Variants in TJP1 observed in about 807,000 individuals in gnomAD.
The protein encoded by TJP1 is tight junction protein ZO-1.
In TJP1, 43 loss-of-function variants were observed where a neutral mutation model predicts 194.2. That is an observed-to-expected ratio of 0.22 (90% CI 0.17 to 0.29). TJP1 has a LOEUF of 0.29. TJP1 is among the 10% of genes least tolerant of loss of function. The pLI, the probability that TJP1 is intolerant of heterozygous loss-of-function variation, is 1.00. For missense variants in TJP1, 1,971 were observed against 2,185.7 expected (o/e 0.90, Z 1.96); for synonymous variants, 801 against 779.0 (o/e 1.03, Z -0.47).
At chr15:29,710,763 C>T in intron 24 of TJP1, 68 bp downstream of exon 24, 2 of 1,599,224 alleles carry the variant, frequency 1.3e-6, no homozygotes, top group Non-Finnish European at 8.5e-7. Context: ...ACCATTTTGC[C>T]TAGAAACCAC....
chr15:29,728,749 G>A (rs2043403337), intron 15 of TJP1: 1 of 152,176 alleles, frequency 6.6e-6, no homozygotes, highest in Non-Finnish European at 1.5e-5. Flanking sequence ...ATCAGACAAA[G>A]GCAGAGATCT....
At chr15:29,780,046 G>C (rs2047262529) in intron 2 of TJP1, among the ~76,000 whole-genome samples, 1 of 151,028 alleles carries the variant, frequency 6.6e-6, no homozygotes, top group South Asian at 2.1e-4. Flanking sequence ...AAAACGATCA[G>C]AATCAAACCC....
At chr15:29,914,041 G>A (rs1011986963) in intron 2 of TJP1, among the ~76,000 whole-genome samples, 2 of 152,124 alleles carry the variant, frequency 1.3e-5, no homozygotes, top group African/African-American at 4.8e-5. Flanking sequence ...ACCTCAGGGG[G>A]ATGGTATCTG....
chr15:29,834,444 T>C (rs2050958879), intron 2 of TJP1, among the ~76,000 whole-genome samples: 1 of 152,028 alleles, frequency 6.6e-6, no homozygotes, highest in African/African-American at 2.4e-5. Flanking sequence ...GTTCTTGAAC[T>C]CCTGACCTCA....
intron 2 of TJP1, among the ~76,000 whole-genome samples, chr15:29,924,521 A>C (rs1276680968): frequency 6.6e-6 from 1 of 152,256 alleles, no homozygotes; most frequent in Non-Finnish European, 1.5e-5. Flanking sequence ...ATGATGTATA[A>C]GTGAATAAAG....
At chr15:29,863,807 G>A (rs145215631) in intron 2 of TJP1, among the ~76,000 whole-genome samples, 434 of 152,270 alleles carry the variant, frequency 2.9e-3, no homozygotes, top group African/African-American at 9.9e-3. Context: ...CCAGAATGAT[G>A]ACAAAGCTTT....
intron 8 of TJP1, among the ~76,000 whole-genome samples, chr15:29,756,979 A>G (rs2045682173): frequency 1.3e-5 from 2 of 152,158 alleles, no homozygotes; most frequent in African/African-American, 4.8e-5. Flanking sequence ...ATGAATCACC[A>G]TAATAATTAC....
At chr15:29,927,517 CT>C (rs2054564528) in intron 2 of TJP1, among the ~76,000 whole-genome samples, 1 of 152,018 alleles carries the variant, frequency 6.6e-6, no homozygotes, top group Non-Finnish European at 1.5e-5. Context: ...AATAAATATA[CT>C]GGAGGAATTT....
At chr15:29,939,802 G>A (rs1305885398) in intron 2 of TJP1, among the ~76,000 whole-genome samples, 1 of 152,170 alleles carries the variant, frequency 6.6e-6, no homozygotes, top group Non-Finnish European at 1.5e-5. Flanking sequence ...CACCATGTGA[G>A]GACTCAATGA....
At chr15:29,968,668 A>C in exon 1 of TJP1, 1 of 1,101,060 alleles carries the variant, frequency 9.1e-7, no homozygotes. Context: ...CCGCCTCACC[A>C]CAGCTTCCTC....
At chr15:29,779,961 A>G (rs2047254555) in intron 2 of TJP1, among the ~76,000 whole-genome samples, 1 of 151,588 alleles carries the variant, frequency 6.6e-6, no homozygotes, top group Admixed American at 6.6e-5. Flanking sequence ...AAACAAACAA[A>G]CAAACAAAAT....
At position 29,940,292 on chromosome 15, in the gene TJP1, G is replaced by A. The variant is rs575929210; in HGVS notation, c.306+15940C>T. 7.9e-5 allele frequency among the ~76,000 whole-genome samples: 12 copies of A among 152,298 alleles called. No individual in the cohort carries two copies. The East Asian group carries it at 2.3e-3, about 29-fold the overall frequency. On this transcript the variant is annotated intron_variant, in intron 2 of 28. Transcript: ENST00000356107. ...AAAGCCTGCCCAGAGCCAGCACACA[G>A]AGCGTGTGCCCATGTCACAGGTGGC...
intron 2 of TJP1, among the ~76,000 whole-genome samples, chr15:29,947,592 A>G (rs953133876): frequency 2.6e-5 from 4 of 152,094 alleles, no homozygotes; most frequent in Non-Finnish European, 5.9e-5. Flanking sequence ...AGCCTGTGCC[A>G]CCAAAACTCC....
intron 2 of TJP1, among the ~76,000 whole-genome samples, chr15:29,837,953 A>C (rs1435020644): frequency 6.6e-6 from 1 of 152,164 alleles, no homozygotes; most frequent in African/African-American, 2.4e-5. Context: ...AATACCTATA[A>C]TTTTATTTCC....
At chr15:29,837,119 G>A (rs1023990164) in intron 2 of TJP1, among the ~76,000 whole-genome samples, 1 of 152,048 alleles carries the variant, frequency 6.6e-6, no homozygotes, top group Non-Finnish European at 1.5e-5. Flanking sequence ...ATATTATTCT[G>A]TATTATTTAC....
intron 8 of TJP1, among the ~76,000 whole-genome samples, chr15:29,751,993 T>C (rs908709148): frequency 6.6e-6 from 1 of 152,128 alleles, no homozygotes; most frequent in Admixed American, 6.6e-5. Flanking sequence ...GGCGTGATCA[T>C]GGCACACTGC....
intron 2 of TJP1, among the ~76,000 whole-genome samples, chr15:29,912,007 G>C (rs1477036909): frequency 2.0e-5 from 3 of 152,218 alleles, no homozygotes; most frequent in African/African-American, 4.8e-5. Context: ...ACCACAGACT[G>C]GGTGGCTTTA....
chr15:29,934,479 T>G (rs1218925502), intron 2 of TJP1, among the ~76,000 whole-genome samples: 1 of 152,208 alleles, frequency 6.6e-6, no homozygotes, highest in Non-Finnish European at 1.5e-5. Flanking sequence ...GAAGTAGGGC[T>G]GGGTTGTCAC....
At chr15:29,922,483 A>T (rs2054397375) in intron 2 of TJP1, among the ~76,000 whole-genome samples, 1 of 152,332 alleles carries the variant, frequency 6.6e-6, no homozygotes, top group East Asian at 1.9e-4. Flanking sequence ...ACATTTTTGT[A>T]AAGGGCTATG....
Sources: gnomAD v4.1 joint callset for allele counts (sites outside exome capture counted in the v4.1 genomes callset) on GRCh38, gnomAD v4.1.1 for gene constraint, MANE v1.5 for transcripts, NCBI Gene and HGNC (gene_info 2026-07-23, HGNC 2026-07-21) for gene names.